DERA: variants seen among roughly 807,000 people sequenced by gnomAD.
DERA encodes deoxyribose-phosphate aldolase.
DERA carries 15 observed loss-of-function variants against 41.1 expected under a neutral mutation model. The ratio of observed to expected loss-of-function variants is 0.37; its 90% CI spans 0.24 to 0.56. The LOEUF is 0.56. DERA is among the 20% of genes least tolerant of loss of function. The probability of loss-of-function intolerance (pLI) is 0.81; values close to 1 mark genes in which losing one functional copy is unlikely to be tolerated. For synonymous variants in DERA, 139 were observed against 137.4 expected (o/e 1.01, Z -0.08); for missense variants, 396 against 403.4 (o/e 0.98, Z 0.16).
chr12:15,974,547 C>T (rs947538058), intron 5 of DERA, among the ~76,000 whole-genome samples: 8 of 152,192 alleles, frequency 5.3e-5, no homozygotes, highest in African/African-American at 1.9e-4. Flanking sequence ...TCAGGAGTCA[C>T]AAGATGTTAA....
At chr12:16,030,130 C>T (rs148983332) in intron 6 of DERA, among the ~76,000 whole-genome samples, 1 of 149,250 alleles carries the variant, frequency 6.7e-6, no homozygotes, top group Admixed American at 6.7e-5. Context: ...GATGGAGTTT[C>T]GCTATGTTGG....
At chr12:16,016,893 A>G (rs1948986646) in intron 6 of DERA, among the ~76,000 whole-genome samples, 1 of 151,836 alleles carries the variant, frequency 6.6e-6, no homozygotes, top group South Asian at 2.1e-4. Context: ...TTCTGGCATT[A>G]CTACAGTTCA....
At chr12:15,947,330 G>A (rs1303369742) in intron 1 of DERA, among the ~76,000 whole-genome samples, 1 of 152,148 alleles carries the variant, frequency 6.6e-6, no homozygotes, top group African/African-American at 2.4e-5. Flanking sequence ...CATGATTATT[G>A]TGTGGGAGTC....
Position 15,967,419 on chromosome 12 carries a change from C to A in DERA, c.508+4472C>A, listed in dbSNP as rs1363384671. On this transcript the variant is annotated intron_variant, in intron 5 of 8. Transcript: ENST00000428559. This position sits in a 1 kb window ranked among gnomAD's most constrained non-coding sequence, Gnocchi z 4.9. ...CCTGAGCAAGAGAGTGAGACCCTGTCTCAAACAAACAAACAAACAAACAAA... is the reference window on the plus strand; with the variant it reads ...CCTGAGCAAGAGAGTGAGACCCTGTATCAAACAAACAAACAAACAAACAAA... Among the ~76,000 whole-genome samples, 1 of 152,084 alleles carries A rather than the reference C, an allele frequency of 6.6e-6. No homozygotes were observed. Among genetic ancestry groups the A allele is most frequent in the Non-Finnish European group, 1.5e-5 (1 of 68,010 alleles).
chr12:15,926,716 G>C, intron 1 of DERA, among the ~76,000 whole-genome samples: 1 of 134,514 alleles, frequency 7.4e-6, no homozygotes, highest in Non-Finnish European at 1.5e-5. Context: ...CGCCTGGGGC[G>C]ACAGAGCGAG....
intron 5 of DERA, among the ~76,000 whole-genome samples, chr12:15,963,306 A>C (rs926973769): frequency 4.6e-5 from 7 of 152,232 alleles, no homozygotes; most frequent in African/African-American, 1.7e-4. Context: ...ACTTCACTCC[A>C]GGCAAGTCTT....
In DERA at chr12:15,926,742, GA is replaced by G. The variant is rs71051274; in HGVS notation, c.31+15347del. Among the ~76,000 whole-genome samples the G allele has an allele frequency of 2.8e-3, 343 of 120,480 alleles. 3 individuals carry two copies. The highest frequency in any genetic ancestry group is 8.7e-3 in the Admixed American group (99 of 11,328). 79.0% of individuals were successfully genotyped at this position (120,480 alleles called of 152,430 possible). ...ACAGAGCGAGACTCCGTCTCAAAAAGAAAAAAAAAAAAAAAAAAAGAAACAA... is the reference window on the plus strand; with the variant it reads ...ACAGAGCGAGACTCCGTCTCAAAAAGAAAAAAAAAAAAAAAAAAGAAACAA... On this transcript the variant is annotated intron_variant, in intron 1 of 8. Coordinates refer to ENST00000428559, the MANE Select transcript of DERA (RefSeq NM_015954.4).
At position 15,928,420 on chromosome 12, in the gene DERA, T is replaced by C. The variant is rs1465739352; in HGVS notation, c.31+17006T>C. Among the ~76,000 whole-genome samples, 1 of 152,190 alleles carries C rather than the reference T, an allele frequency of 6.6e-6. No individual in the cohort carries two copies. Among genetic ancestry groups the C allele is most frequent in the African/African-American group, 2.4e-5 (1 of 41,452 alleles). On this transcript the variant is annotated intron_variant, in intron 1 of 8. Coordinates refer to ENST00000428559, the MANE Select transcript of DERA (RefSeq NM_015954.4). The surrounding 1 kb of genome is among the most constrained non-coding windows in gnomAD (Gnocchi z 4.6). ...ATTTTTGAACAAGAAACAGAAAGGATTACTTTAAATTTCAACTCTTTCTGT... is the reference window on the plus strand; with the variant it reads ...ATTTTTGAACAAGAAACAGAAAGGACTACTTTAAATTTCAACTCTTTCTGT...
intron 1 of DERA, among the ~76,000 whole-genome samples, chr12:15,945,338 G>A (rs998524005): frequency 3.3e-5 from 5 of 152,054 alleles, no homozygotes; most frequent in Admixed American, 6.6e-5. Context: ...CCATTTTCAC[G>A]ATATTGATTC....
In DERA at chr12:15,970,714, A is replaced by G. The variant is rs1335425108; in HGVS notation, c.508+7767A>G. Among the ~76,000 whole-genome samples the G allele has an allele frequency of 2.0e-5, 3 of 152,176 alleles. No homozygotes were observed. In the East Asian group the frequency reaches 5.8e-4, roughly 29 times the overall value. ...TCCATCTCTCTTTTCAGACTGTTCAAGATGTACACATGTACTTGGTATATC... is the reference window on the plus strand; with the variant it reads ...TCCATCTCTCTTTTCAGACTGTTCAGGATGTACACATGTACTTGGTATATC... On this transcript the variant is annotated intron_variant, in intron 5 of 8. Transcript: ENST00000428559. This position sits in a 1 kb window ranked among gnomAD's most constrained non-coding sequence, Gnocchi z 4.3.
At chr12:15,952,858 T>G (rs1352561191) in intron 1 of DERA, among the ~76,000 whole-genome samples, 1 of 152,236 alleles carries the variant, frequency 6.6e-6, no homozygotes, top group Non-Finnish European at 1.5e-5. Context: ...CAGTCACATT[T>G]AGCCAACCTG....
intron 1 of DERA, among the ~76,000 whole-genome samples, chr12:15,952,290 C>T (rs965005963): frequency 2.0e-5 from 3 of 152,252 alleles, no homozygotes; most frequent in Non-Finnish European, 4.4e-5. Context: ...GTGTCATTTC[C>T]AACAGTGCTG....
intron 3 of DERA, among the ~76,000 whole-genome samples, 179 bp downstream of exon 3, chr12:15,958,514 CTTTTTTTTTT>C (rs78571301): frequency 1.6e-5 from 2 of 124,110 alleles, no homozygotes; most frequent in African/African-American, 3.0e-5. Flanking sequence ...GAATCTGAGT[CTTTTTTTTTT>C]TTTTTTTTTG....
intron 1 of DERA, among the ~76,000 whole-genome samples, chr12:15,912,806 G>A (rs1485840827): frequency 6.6e-6 from 1 of 152,208 alleles, no homozygotes; most frequent in Non-Finnish European, 1.5e-5. Flanking sequence ...GCACTTCCAA[G>A]AGGTGTTCTG....
At position 16,010,322 on chromosome 12, in the gene DERA, C is replaced by T. The variant is rs1948938847; in HGVS notation, c.638-22220C>T. 6.6e-6 allele frequency among the ~76,000 whole-genome samples: 1 copy of T among 152,164 alleles called. No homozygotes were observed. Among genetic ancestry groups the T allele is most frequent in the Non-Finnish European group, 1.5e-5 (1 of 68,038 alleles). Reference sequence around the variant, plus strand: ...AGGACCATTCTTCCTGCCCCCTTCACAACCTTCTCCTTGCTTTCTCCTTGC... The same window carrying T: ...AGGACCATTCTTCCTGCCCCCTTCATAACCTTCTCCTTGCTTTCTCCTTGC... On this transcript the variant is annotated intron_variant, in intron 6 of 8. Transcript: ENST00000428559. The surrounding 1 kb of genome is among the most constrained non-coding windows in gnomAD (Gnocchi z 5.5).
chr12:15,997,202 T>TTAA (rs897651391), intron 6 of DERA, among the ~76,000 whole-genome samples: 10 of 152,214 alleles, frequency 6.6e-5, no homozygotes, highest in Admixed American at 5.9e-4. Context: ...AAATGACTGA[T>TTAA]AATAAATACT....
intron 6 of DERA, among the ~76,000 whole-genome samples, chr12:16,027,965 G>A (rs1019867405): frequency 6.6e-6 from 1 of 152,156 alleles, no homozygotes; most frequent in African/African-American, 2.4e-5. Flanking sequence ...AAAACTATTT[G>A]CAAAAGCATC....
chr12:16,002,188 G>A (rs1948880441), intron 6 of DERA, among the ~76,000 whole-genome samples: 1 of 133,908 alleles, frequency 7.5e-6, no homozygotes, highest in Admixed American at 9.2e-5. Context: ...CTATGTCCAT[G>A]TGTTCTCATT....
chr12:15,963,090 C>T, intron 5 of DERA, 143 bp downstream of exon 5: 2 of 1,171,926 alleles, frequency 1.7e-6, no homozygotes, highest in Non-Finnish European at 2.3e-6. Context: ...AGAAAGCAGG[C>T]TAAGATTACC....
Sources: gnomAD v4.1 joint callset for allele counts (sites outside exome capture counted in the v4.1 genomes callset) on GRCh38, gnomAD v4.1.1 for gene constraint, Gnocchi (gnomAD v3.1) non-coding constraint, MANE v1.5 for transcripts, NCBI Gene and HGNC (gene_info 2026-07-23, HGNC 2026-07-21) for gene names.